DOCK4: variants seen among roughly 807,000 people sequenced by gnomAD.
DOCK4 encodes dedicator of cytokinesis 4.
In DOCK4, 97 loss-of-function variants were observed where a neutral mutation model predicts 268.1. The ratio of observed to expected loss-of-function variants is 0.36; its 90% CI spans 0.31 to 0.43. The LOEUF (loss-of-function observed/expected upper bound fraction) is 0.43. Ranked by LOEUF, DOCK4 falls within the 20% of genes least tolerant of loss-of-function variation. The pLI is 1.00. For missense variants in DOCK4, 2,145 were observed against 2,455.7 expected, an observed-to-expected ratio of 0.87 and a Z score of 2.67; for synonymous variants, 954 against 887.2, an observed-to-expected ratio of 1.08 and a Z score of -1.34.
chr7:112,163,491 C>A (rs1817321973), intron 1 of DOCK4, among the ~76,000 whole-genome samples: 1 of 152,166 alleles, frequency 6.6e-6, no homozygotes, highest in African/African-American at 2.4e-5. Flanking sequence ...ATGACCTAAG[C>A]CAAAATCATG....
chr7:112,105,136 A>G (rs1281326689), intron 1 of DOCK4, among the ~76,000 whole-genome samples: 2 of 152,312 alleles, frequency 1.3e-5, no homozygotes, highest in Non-Finnish European at 2.9e-5. Flanking sequence ...ACTCCCAGTC[A>G]CCATCACCTT....
chr7:111,829,874 T>C (rs1271925744), intron 26 of DOCK4, among the ~76,000 whole-genome samples: 1 of 152,192 alleles, frequency 6.6e-6, no homozygotes, highest in African/African-American at 2.4e-5. Flanking sequence ...ACCAGAATGA[T>C]TTATAGTCTT....
At chr7:111,800,876 C>T (rs1329327859) in intron 30 of DOCK4, among the ~76,000 whole-genome samples, 2 of 152,114 alleles carry the variant, frequency 1.3e-5, no homozygotes, top group African/African-American at 2.4e-5. Context: ...AGGTTTACGT[C>T]TCTTTAAAGG....
intron 42 of DOCK4, among the ~76,000 whole-genome samples, chr7:111,752,355 A>G (rs1228536644): frequency 6.6e-6 from 1 of 152,002 alleles, no homozygotes; most frequent in East Asian, 1.9e-4. Flanking sequence ...ATCTTTTAGG[A>G]GGCTACTGCA....
Position 111,873,915 on chromosome 7 carries a change from GT to G in DOCK4, c.1745-1352del, listed in dbSNP as rs772237591. Among the ~76,000 whole-genome samples the G allele has an allele frequency of 3.6e-4, 55 of 152,174 alleles. 1 individual carries two copies. The highest frequency in any genetic ancestry group is 7.1e-4 in the Non-Finnish European group (48 of 68,020). ...TGACTTTGAAAAAGAGATTTATGAT[GT>G]TTTCATAACCAAAAACCCTGAAAAT... On this transcript the variant is annotated intron_variant, in intron 17 of 52. Coordinates refer to ENST00000428084, the MANE Select transcript of DOCK4 (RefSeq NM_001363540.2).
At chr7:111,914,779 T>C (rs1407825360) in intron 13 of DOCK4, among the ~76,000 whole-genome samples, 1 of 152,218 alleles carries the variant, frequency 6.6e-6, no homozygotes, top group African/African-American at 2.4e-5. Flanking sequence ...TGAACATACA[T>C]GTTTTACTTA....
At chr7:111,887,830 GAAGA>G (rs1293559846) in intron 16 of DOCK4, among the ~76,000 whole-genome samples, 1 of 152,030 alleles carries the variant, frequency 6.6e-6, no homozygotes, top group Non-Finnish European at 1.5e-5. Context: ...GATGCAGGAG[GAAGA>G]GAGAGGACAT....
At chr7:112,102,858 C>A in intron 1 of DOCK4, among the ~76,000 whole-genome samples, 1 of 152,146 alleles carries the variant, frequency 6.6e-6, no homozygotes, top group Non-Finnish European at 1.5e-5. Flanking sequence ...ATGCCAAACA[C>A]TTTTTTTAAA....
At chr7:112,082,777 C>T (rs1246652743) in intron 1 of DOCK4, among the ~76,000 whole-genome samples, 2 of 152,102 alleles carry the variant, frequency 1.3e-5, no homozygotes, top group Non-Finnish European at 2.9e-5. Context: ...CTTGCTGAGA[C>T]ATTTTATATC....
In DOCK4 at chr7:111,901,685, T is replaced by A. The variant is rs1412890804; in HGVS notation, c.1309A>T (p.Thr437Ser). ...ATCAAGTATTAACATACCTTCAGGG[T>A]TTGGCCACTACTGTCTACAATGAAC... The part of the protein sequence containing the change: ...TMFIVDSSGQ[T>S]LKDFISFGSG... The change falls in exon 14 of 53, where the codon ACC (threonine) becomes TCC (serine). Residue 437 changes from threonine to serine, a missense_variant. This residue lies in a region of DOCK4 where 1,598 missense variants were observed against 1,986.7 expected (regional missense o/e 0.80). Coordinates refer to ENST00000428084, the MANE Select transcript of DOCK4 (RefSeq NM_001363540.2). The A allele has an allele frequency of 6.2e-7, 1 of 1,613,322 alleles. No individual in the cohort carries two copies. The highest frequency in any genetic ancestry group is 2.2e-5 in the East Asian group (1 of 44,858).
chr7:111,912,612 G>C (rs1792206160), intron 13 of DOCK4, among the ~76,000 whole-genome samples: 1 of 152,136 alleles, frequency 6.6e-6, no homozygotes. Flanking sequence ...GGAAGAGGAG[G>C]AGGAGAAGGA....
At position 111,877,053 on chromosome 7, in the gene DOCK4, C is replaced by T. The variant is rs780021169; in HGVS notation, c.1721G>A (p.Cys574Tyr). The T allele has an allele frequency of 6.4e-7, 1 of 1,554,620 alleles. No individual in the cohort carries two copies. The highest frequency in any genetic ancestry group is 2.4e-5 in the East Asian group (1 of 42,114). ...KESFCITSFL[C>Y]STKLTQNGDM... ...ACCATTTTGTGTGAGTTTTGTGGAA[C>T]AGAGAAAAGATGTAATACAAAAGGA... Residue 574 changes from cysteine to tyrosine, a missense_variant, in exon 17 of 53, where the codon TGT becomes TAT. Coordinates refer to ENST00000428084, the MANE Select transcript of DOCK4 (RefSeq NM_001363540.2).
At chr7:111,781,440 G>A (rs1298085632) in intron 35 of DOCK4, among the ~76,000 whole-genome samples, 1 of 152,208 alleles carries the variant, frequency 6.6e-6, no homozygotes, top group Non-Finnish European at 1.5e-5. Context: ...GAATGACTAT[G>A]TTCAAGTTAG....
intron 1 of DOCK4, among the ~76,000 whole-genome samples, chr7:112,178,559 G>A (rs898265357): frequency 6.6e-6 from 1 of 152,092 alleles, no homozygotes. Context: ...GAAAAGAGCT[G>A]AACTGAAAAT....
At chr7:112,126,271 A>G (rs13227043) in intron 1 of DOCK4, among the ~76,000 whole-genome samples, 45,642 of 152,144 alleles carry the variant, frequency 0.3, 7,871 homozygotes, top group East Asian at 0.42. Context: ...GAATCATGCT[A>G]TTTATTTATT....
rs765544298 is a variant in DOCK4 at position 111,901,696 on chromosome 7, C to T, written c.1298G>A (p.Ser433Asn). 1.9e-6 allele frequency: 3 copies of T among 1,613,812 alleles called. No individual in the cohort carries two copies. The highest frequency in any genetic ancestry group is 3.3e-5 in the Admixed American group (2 of 60,026). ...NVEVTMFIVD[S>N]SGQTLKDFIS... ...ACATACCTTCAGGGTTTGGCCACTA[C>T]TGTCTACAATGAACATCGTAACTTC... Residue 433 changes from serine (S) to asparagine (N), a missense_variant, in exon 14 of 53, where the codon AGT (serine) becomes AAT (asparagine). Ser to Asn is a conservative substitution (Grantham distance 46). Coordinates refer to ENST00000428084, the MANE Select transcript of DOCK4 (RefSeq NM_001363540.2).
At chr7:111,929,980 A>T (rs906199579) in intron 12 of DOCK4, among the ~76,000 whole-genome samples, 1 of 152,232 alleles carries the variant, frequency 6.6e-6, no homozygotes, top group Non-Finnish European at 1.5e-5. Flanking sequence ...TTGCCTCAGT[A>T]AATCATATTG....
chr7:111,901,912 AAAAG>A, intron 13 of DOCK4, 111 bp from the exon 14 acceptor site: 1 of 734,122 alleles, frequency 1.4e-6, no homozygotes. Context: ...ACATACATAT[AAAAG>A]TACAAATATA....
At chr7:112,102,193 C>T (rs1810763518) in intron 1 of DOCK4, among the ~76,000 whole-genome samples, 1 of 152,176 alleles carries the variant, frequency 6.6e-6, no homozygotes, top group Non-Finnish European at 1.5e-5. Flanking sequence ...CTATCTGTCT[C>T]CCACTTCCAG....
Sources: gnomAD v4.1 joint callset for allele counts (sites outside exome capture counted in the v4.1 genomes callset) on GRCh38, gnomAD v4.1.1 for gene constraint, gnomAD v4.1.1 regional missense constraint, MANE v1.5 for transcripts, NCBI Gene and HGNC (gene_info 2026-07-23, HGNC 2026-07-21) for gene names.